The following S100A8 variants were observed in gnomAD, a reference collection of about 807,000 sequenced individuals.
S100A8 encodes S100 calcium binding protein A8, also known as protein S100-A8.
In S100A8, 1 loss-of-function variant was observed where a neutral mutation model predicts 4.2. The observed-to-expected ratio is 0.24, with a 90% CI of 0.08 to 1.12. S100A8 has a LOEUF of 1.12. Among genes scored for constraint, S100A8 ranks in the 50% most tolerant of loss-of-function variants. S100A8 has a pLI of 0.53. For synonymous variants in S100A8, 41 were observed against 44.7 expected (o/e 0.92, Z 0.33); for missense variants, 96 against 111.8 (o/e 0.86, Z 0.64).
chr1:153,401,961 T>G, the S100A8 span, among the ~76,000 whole-genome samples: 1 of 152,184 alleles, frequency 6.6e-6, no homozygotes, highest in Non-Finnish European at 1.5e-5. Flanking sequence ...GATATCCCAG[T>G]CAACAGCCTC....
chr1:153,416,270 A>G, the S100A8 span, among the ~76,000 whole-genome samples: 1 of 152,130 alleles, frequency 6.6e-6, no homozygotes, highest in East Asian at 1.9e-4. Flanking sequence ...GTTACTACAC[A>G]TGTACCGCTG....
the S100A8 span, among the ~76,000 whole-genome samples, chr1:153,399,480 A>G: frequency 2.0e-5 from 3 of 151,924 alleles, no homozygotes; most frequent in African/African-American, 7.3e-5. Context: ...ACTTAACTAC[A>G]TCTCCCTGGG....
the S100A8 span, among the ~76,000 whole-genome samples, chr1:153,405,923 CT>C: frequency 6.6e-6 from 1 of 152,130 alleles, no homozygotes; most frequent in Non-Finnish European, 1.5e-5. Flanking sequence ...CTGCAGAACT[CT>C]CTCTCTGTCT....
At chr1:153,402,824 GAAAAGAC>G in the S100A8 span, among the ~76,000 whole-genome samples, 47 of 152,190 alleles carry the variant, frequency 3.1e-4, no homozygotes, top group East Asian at 8.9e-3. Flanking sequence ...TCATGAAAAA[GAAAAGAC>G]ATGGGAGGAT....
the S100A8 span, among the ~76,000 whole-genome samples, chr1:153,403,076 G>T: frequency 6.6e-6 from 1 of 152,188 alleles, no homozygotes; most frequent in Non-Finnish European, 1.5e-5. Flanking sequence ...CACACAAGCA[G>T]ACAAAATGAC....
chr1:153,413,698 C>T, the S100A8 span, among the ~76,000 whole-genome samples: 9 of 152,042 alleles, frequency 5.9e-5, no homozygotes, highest in African/African-American at 1.4e-4. Flanking sequence ...GTCAGGAGTT[C>T]GAGACCAGCC....
the S100A8 span, chr1:153,419,316 CCCACCAAGGGGCCT>C: frequency 6.2e-7 from 1 of 1,613,112 alleles, no homozygotes; most frequent in East Asian, 2.2e-5. Flanking sequence ...GTGATCCAGC[CCCACCAAGGGGCCT>C]CCAGAGACCC....
chr1:153,413,756 C>A, the S100A8 span, among the ~76,000 whole-genome samples: 1 of 151,836 alleles, frequency 6.6e-6, no homozygotes, highest in Non-Finnish European at 1.5e-5. Context: ...CAAAAATTAG[C>A]TGGATATAGT....
the S100A8 span, chr1:153,416,612 G>C: frequency 4.5e-6 from 2 of 441,150 alleles, no homozygotes; most frequent in Admixed American, 5.3e-5. Context: ...CCAGTGCCCA[G>C]CCTGCCATGC....
chr1:153,406,913 G>A, the S100A8 span, among the ~76,000 whole-genome samples: 1 of 152,196 alleles, frequency 6.6e-6, no homozygotes, highest in Non-Finnish European at 1.5e-5. Context: ...CCCTATTAAA[G>A]CTAATTTGCT....
At chr1:153,408,364 AG>A in the S100A8 span, among the ~76,000 whole-genome samples, 3 of 152,220 alleles carry the variant, frequency 2.0e-5, no homozygotes, top group African/African-American at 7.2e-5. Flanking sequence ...ATCAACAGGA[AG>A]AAAGGGTAGC....
At chr1:153,413,153 T>C in the S100A8 span, among the ~76,000 whole-genome samples, 2 of 152,142 alleles carry the variant, frequency 1.3e-5, no homozygotes, top group Non-Finnish European at 2.9e-5. Flanking sequence ...TGTAAAAACG[T>C]TAATTATCTA....
the S100A8 span, chr1:153,419,125 G>A: frequency 2.5e-6 from 4 of 1,609,424 alleles, no homozygotes; most frequent in Non-Finnish European, 3.4e-6. Flanking sequence ...TTTCTATTTT[G>A]TATGTTTTTC....
the S100A8 span, among the ~76,000 whole-genome samples, chr1:153,397,678 T>G: frequency 3.3e-5 from 5 of 152,228 alleles, no homozygotes; most frequent in South Asian, 1.0e-3. Context: ...AGAAACCATC[T>G]GGGGGAAGCA....
chr1:153,417,988 C>T, the S100A8 span: 1 of 1,558,530 alleles, frequency 6.4e-7, no homozygotes, highest in Non-Finnish European at 8.7e-7. Flanking sequence ...ACTCTGTCCT[C>T]AGCCCTCCTT....
the S100A8 span, among the ~76,000 whole-genome samples, chr1:153,407,010 C>T: frequency 0.017 from 2,549 of 152,214 alleles, 71 homozygotes; most frequent in African/African-American, 0.058. Context: ...CCAAGATGGC[C>T]GAATAGGAAC....
At chr1:153,398,325 T>C in the S100A8 span, among the ~76,000 whole-genome samples, 4 of 152,176 alleles carry the variant, frequency 2.6e-5, no homozygotes, top group African/African-American at 7.2e-5. Flanking sequence ...TCTGAGAGAC[T>C]CTGGGGATAA....
At chr1:153,413,987 C>T in the S100A8 span, among the ~76,000 whole-genome samples, 2 of 152,178 alleles carry the variant, frequency 1.3e-5, no homozygotes, top group African/African-American at 4.8e-5. Context: ...AAATATTCTT[C>T]TTTTTCATTT....
chr1:153,409,601 T>G, the S100A8 span, among the ~76,000 whole-genome samples: 3 of 152,206 alleles, frequency 2.0e-5, no homozygotes, highest in Admixed American at 2.0e-4. Context: ...TATCCAGCTC[T>G]GCACCAAGCA....
Sources: allele counts gnomAD v4.1 joint callset (sites outside exome capture counted in the v4.1 genomes callset), GRCh38; gene constraint gnomAD v4.1.1; transcripts MANE v1.5; gene names NCBI Gene and HGNC (gene_info 2026-07-23, HGNC 2026-07-21).